PBX1: variants seen among roughly 807,000 people sequenced by gnomAD.
The protein encoded by PBX1 is pre-B-cell leukemia transcription factor 1.
Under a neutral mutation model 53.4 loss-of-function variants are expected in PBX1, and 6 were observed. That is an observed-to-expected ratio of 0.11 (90% confidence interval 0.06 to 0.22). The LOEUF is 0.22. PBX1 is among the 10% of genes least tolerant of loss of function. PBX1 has a pLI of 1.00. For missense variants in PBX1, 251 were observed against 551.4 expected, an observed-to-expected ratio of 0.46 and a Z score of 5.46; for synonymous variants, 204 against 212.3, an observed-to-expected ratio of 0.96 and a Z score of 0.34.
chr1:164,568,146 C>T (rs186658827), intron 2 of PBX1, among the ~76,000 whole-genome samples: 2 of 152,250 alleles, frequency 1.3e-5, no homozygotes, highest in Admixed American at 6.5e-5. Flanking sequence ...TAAACCAAAA[C>T]CTAGATGTTG....
chr1:164,721,145 A>C (rs35959901), intron 2 of PBX1, among the ~76,000 whole-genome samples: 38 of 152,190 alleles, frequency 2.5e-4, no homozygotes, highest in Non-Finnish European at 7.4e-5. Flanking sequence ...TTCATCGGAA[A>C]CTGTCTACTC....
At chr1:164,879,036 A>T (rs964127292) in intron 2 of PBX1, among the ~76,000 whole-genome samples, 2 of 152,230 alleles carry the variant, frequency 1.3e-5, no homozygotes, top group African/African-American at 2.4e-5. Flanking sequence ...GTCTCAGCTA[A>T]GCAAAGTGTA....
intron 8 of PBX1, among the ~76,000 whole-genome samples, chr1:164,845,935 T>C (rs1671549910): frequency 6.6e-6 from 1 of 152,220 alleles, no homozygotes; most frequent in African/African-American, 2.4e-5. Flanking sequence ...CAAAATGTGA[T>C]ATTGTTTTCA....
chr1:164,776,931 GTGT>G (rs1667683770), intron 2 of PBX1, among the ~76,000 whole-genome samples: 9 of 123,020 alleles, frequency 7.3e-5, no homozygotes, highest in Admixed American at 1.6e-4. Context: ...GTGTGTGTGT[GTGT>G]GGTGGGAGGA....
At chr1:164,759,302 T>C (rs1162090191) in intron 2 of PBX1, among the ~76,000 whole-genome samples, 1 of 152,116 alleles carries the variant, frequency 6.6e-6, no homozygotes, top group Non-Finnish European at 1.5e-5. Flanking sequence ...TCCAGTAACA[T>C]GCTGTGACTG....
chr1:164,663,919 G>A (rs1201293643), intron 2 of PBX1, among the ~76,000 whole-genome samples: 1 of 152,190 alleles, frequency 6.6e-6, no homozygotes, highest in African/African-American at 2.4e-5. Context: ...CTTTGTGTGG[G>A]AATCCAAGCA....
chr1:164,797,837 A>G (rs761563262), intron 3 of PBX1, among the ~76,000 whole-genome samples: 23 of 152,196 alleles, frequency 1.5e-4, no homozygotes, highest in Non-Finnish European at 2.9e-5. Flanking sequence ...TCGGTTTCAC[A>G]AATTAGAAAA....
intron 2 of PBX1, among the ~76,000 whole-genome samples, chr1:164,739,215 G>C (rs934897959): frequency 6.6e-6 from 1 of 152,246 alleles, no homozygotes; most frequent in South Asian, 2.1e-4. Flanking sequence ...AATCATAGAC[G>C]TACACTCGCC....
intron 2 of PBX1, among the ~76,000 whole-genome samples, chr1:164,764,449 G>A (rs1666958615): frequency 6.6e-6 from 1 of 152,148 alleles, no homozygotes; most frequent in Admixed American, 6.5e-5. Context: ...ATATTTGACA[G>A]TGTAGCTTGC....
chr1:164,812,907 G>A (rs149570972), intron 6 of PBX1: 84 of 152,194 alleles, frequency 5.5e-4, no homozygotes, highest in African/African-American at 2.0e-3. Flanking sequence ...TGCTATGGAA[G>A]GCATGTGGTA....
At chr1:164,810,297 G>T (rs1669543955) in intron 5 of PBX1, among the ~76,000 whole-genome samples, 1 of 152,100 alleles carries the variant, frequency 6.6e-6, no homozygotes, top group Non-Finnish European at 1.5e-5. Context: ...CTTAGTCCAT[G>T]ACTGTTGAGT....
At position 164,703,528 on chromosome 1, in the gene PBX1, G is replaced by T. The variant is rs564146147; in HGVS notation, c.266-88966G>T. Among the ~76,000 whole-genome samples, 19 of 152,260 alleles carry T rather than the reference G, an allele frequency of 1.2e-4. No homozygotes were observed. The South Asian group carries it at 3.9e-3, about 32-fold the overall frequency. On this transcript the variant is annotated intron_variant, in intron 2 of 8. Transcript: ENST00000420696. Reference sequence around the variant, plus strand: ...CTGGCAGAGGGACACAAACACATATGTACAAAATGGCTCCCTGCTCATTAC... The same window carrying T: ...CTGGCAGAGGGACACAAACACATATTTACAAAATGGCTCCCTGCTCATTAC...
intron 2 of PBX1, among the ~76,000 whole-genome samples, chr1:164,667,514 A>G (rs774273975): frequency 1.4e-4 from 21 of 152,094 alleles, no homozygotes; most frequent in Non-Finnish European, 2.6e-4. Context: ...AGCAGTGGAC[A>G]TTTGGGTCAA....
intron 2 of PBX1, among the ~76,000 whole-genome samples, chr1:164,702,805 C>A (rs916620821): frequency 6.6e-6 from 1 of 152,086 alleles, no homozygotes; most frequent in African/African-American, 2.4e-5. Flanking sequence ...GAGGAAAATT[C>A]TTCTTCTCGT....
chr1:164,848,537 C>T lies in PBX1; in HGVS notation c.*1861C>T. On this transcript the variant is annotated 3_prime_UTR_variant, in exon 9 of 9. Coordinates refer to ENST00000420696, the MANE Select transcript of PBX1 (RefSeq NM_002585.4). The stretch of plus-strand genomic sequence containing the variant: ...TCTTGTTGTAACTTCTGGTTAATAT[C>T]AGTACCTTGATGTCATCACCGTGAT... 1.9e-6 allele frequency: 2 copies of T among 1,059,632 alleles called. No homozygotes were observed. Among genetic ancestry groups the T allele is most frequent in the East Asian group, 5.2e-5 (1 of 19,390 alleles). 65.6% of individuals were successfully genotyped at this position (1,059,632 alleles called of 1,614,324 possible). A position where few individuals can be genotyped will look rare whatever the true frequency, so the allele number is the denominator to read the frequency against.
chr1:164,707,466 A>C (rs1178414231), intron 2 of PBX1, among the ~76,000 whole-genome samples: 2 of 148,898 alleles, frequency 1.3e-5, no homozygotes, highest in Non-Finnish European at 3.0e-5. Flanking sequence ...AAAGTGCTGA[A>C]TCCCCTGTAA....
chr1:164,873,211 A>G (rs1672424030), intron 2 of PBX1, among the ~76,000 whole-genome samples: 1 of 152,202 alleles, frequency 6.6e-6, no homozygotes, highest in African/African-American at 2.4e-5. Context: ...TCATGTTTTG[A>G]TCAGTACAGG....
chr1:164,580,365 G>A (rs555478033), intron 2 of PBX1, among the ~76,000 whole-genome samples: 76 of 152,234 alleles, frequency 5.0e-4, no homozygotes, highest in African/African-American at 1.7e-3. Flanking sequence ...TGCAACCTCC[G>A]CCTCCCGGGT....
At chr1:164,759,351 G>A (rs1666692245) in intron 2 of PBX1, among the ~76,000 whole-genome samples, 1 of 152,060 alleles carries the variant, frequency 6.6e-6, no homozygotes, top group African/African-American at 2.4e-5. Context: ...CTGCCCTTAT[G>A]TATGCCATTA....
Sources: gnomAD v4.1 joint callset for allele counts (sites outside exome capture counted in the v4.1 genomes callset) on GRCh38, gnomAD v4.1.1 for gene constraint, MANE v1.5 for transcripts, NCBI Gene and HGNC (gene_info 2026-07-23, HGNC 2026-07-21) for gene names.